Variants in DMD observed in about 807,000 individuals in gnomAD.
DMD encodes the protein dystrophin.
A neutral mutation model predicts 330.1 loss-of-function variants in DMD; 63 were observed. That is an observed-to-expected ratio of 0.19 (90% CI 0.16 to 0.24). DMD has a LOEUF of 0.24. DMD is among the 10% of genes least tolerant of loss of function. DMD has a pLI of 1.00. For synonymous variants in DMD, 1,223 were observed against 959.8 expected (o/e 1.27, Z -5.07); for missense variants, 3,344 against 2,684.1 (o/e 1.25, Z -5.43).
At chrX:31,800,772 T>C (rs2092025015) in intron 50 of DMD, among the ~76,000 whole-genome samples, 1 of 111,651 alleles carries the variant, frequency 9.0e-6, no homozygotes, top group Admixed American at 9.5e-5. Flanking sequence ...TTTCCACAGA[T>C]CTCTAGGCCA....
At chrX:33,270,111 T>C (rs758120836) in intron 1 of DMD, among the ~76,000 whole-genome samples, 51 of 110,892 alleles carry the variant, frequency 4.6e-4, no homozygotes, top group African/African-American at 1.5e-3. Context: ...CTTATGTTTT[T>C]ATCTTGATAC....
In DMD at chrX:31,750,940, C is replaced by G. The variant is rs747207309; in HGVS notation, c.7543-21192G>C. 4.4e-3 allele frequency among the ~76,000 whole-genome samples: 471 copies of G among 106,242 alleles called. 1 individual carries two copies. Among genetic ancestry groups the G allele is most frequent in the African/African-American group, 5.8e-3 (168 of 29,160 alleles). 92.3% of individuals were successfully genotyped at this position (106,242 alleles called of 115,157 possible). On this transcript the variant is annotated intron_variant, in intron 51 of 78. Transcript: ENST00000357033. ...AATACCTAGGAATCCAACTTACAAG[C>G]GATGTGAAGGACCTCTTCAAGGAGA...
At chrX:31,458,846 G>A (rs1407102361) in intron 59 of DMD, among the ~76,000 whole-genome samples, 2 of 110,234 alleles carry the variant, frequency 1.8e-5, no homozygotes, top group Non-Finnish European at 3.8e-5. Context: ...AGTTTTATAG[G>A]AGAAACGACT....
chrX:32,093,607 A>G (rs1230905898), intron 44 of DMD, among the ~76,000 whole-genome samples: 1 of 111,864 alleles, frequency 8.9e-6, no homozygotes, highest in Non-Finnish European at 1.9e-5. Flanking sequence ...CATAAAACAT[A>G]CTGAAATCTT....
intron 30 of DMD, among the ~76,000 whole-genome samples, chrX:32,407,517 T>G (rs2098122993): frequency 9.0e-6 from 1 of 111,115 alleles, no homozygotes; most frequent in African/African-American, 3.3e-5. Context: ...ACTTTTACAC[T>G]GTTGGTGGGA....
chrX:31,653,932 A>T (rs1424781122), intron 54 of DMD, among the ~76,000 whole-genome samples: 1 of 111,526 alleles, frequency 9.0e-6, no homozygotes, highest in Non-Finnish European at 1.9e-5. Flanking sequence ...TTAGTTGAGA[A>T]GCAGCCTTCT....
chrX:32,553,119 T>C (rs985860650), intron 16 of DMD, among the ~76,000 whole-genome samples: 1 of 112,128 alleles, frequency 8.9e-6, no homozygotes, highest in South Asian at 3.7e-4. Flanking sequence ...TGCACATGTA[T>C]GTTTTATTGA....
intron 2 of DMD, among the ~76,000 whole-genome samples, chrX:32,891,217 C>T (rs983581307): frequency 2.7e-5 from 3 of 111,504 alleles, no homozygotes; most frequent in Non-Finnish European, 5.6e-5. Flanking sequence ...CTGAGTTTTG[C>T]GAACATTTAT....
At chrX:31,691,502 C>T (rs769864578) in intron 52 of DMD, among the ~76,000 whole-genome samples, 19 of 111,258 alleles carry the variant, frequency 1.7e-4, no homozygotes, top group African/African-American at 5.5e-4. Context: ...AGTGGATTAA[C>T]GACAACAACA....
At chrX:32,363,379 T>G (rs1047633897) in intron 36 of DMD, among the ~76,000 whole-genome samples, 3 of 111,910 alleles carry the variant, frequency 2.7e-5, no homozygotes, top group African/African-American at 9.8e-5. Context: ...GTCAGGTAGC[T>G]GAAGAACACT....
At chrX:32,233,593 TTTTTC>T (rs1165233919) in intron 43 of DMD, among the ~76,000 whole-genome samples, 2 of 102,614 alleles carry the variant, frequency 1.9e-5, no homozygotes, top group East Asian at 3.1e-4. Context: ...GTACAATTTC[TTTTTC>T]TTTTATTTAT....
rs769240808 is a variant in DMD, at chrX:32,692,829, C to G, written c.960+5041G>C. On this transcript the variant is annotated intron_variant, in intron 9 of 78. Transcript: ENST00000357033. ...GATCAGACCACAAAATCTTATCTAACCCCTGATGTATCTAAAGTAGTAATC... is the reference window on the plus strand; with the variant it reads ...GATCAGACCACAAAATCTTATCTAAGCCCTGATGTATCTAAAGTAGTAATC... Among the ~76,000 whole-genome samples, 3 of 111,956 alleles carry G rather than the reference C, an allele frequency of 2.7e-5. No homozygotes were observed. The South Asian group carries it at 1.1e-3, about 42-fold the overall frequency.
At chrX:32,224,252 TTCA>T (rs1385087396) in intron 43 of DMD, among the ~76,000 whole-genome samples, 3 of 111,619 alleles carry the variant, frequency 2.7e-5, no homozygotes, top group African/African-American at 6.5e-5. Context: ...TGATTAGTGC[TTCA>T]TCATTTGTGT....
chrX:32,620,842 G>T (rs1338916513), intron 11 of DMD, among the ~76,000 whole-genome samples: 1 of 111,822 alleles, frequency 8.9e-6, no homozygotes, highest in Non-Finnish European at 1.9e-5. Context: ...CATTCCTGAG[G>T]GAGTAAGGAG....
At chrX:32,559,544 C>G (rs922539460) in intron 16 of DMD, among the ~76,000 whole-genome samples, 5 of 111,331 alleles carry the variant, frequency 4.5e-5, no homozygotes, top group African/African-American at 1.6e-4. Context: ...CCATTTGCAA[C>G]TATATCCCCC....
chrX:32,073,951 G>A (rs1378941892), intron 44 of DMD, among the ~76,000 whole-genome samples: 4 of 111,051 alleles, frequency 3.6e-5, no homozygotes, highest in East Asian at 5.6e-4. Flanking sequence ...ATAGTTGCTC[G>A]ATTATATTCC....
chrX:31,753,356 G>T (rs992525003), intron 51 of DMD, among the ~76,000 whole-genome samples: 2 of 111,884 alleles, frequency 1.8e-5, no homozygotes, highest in Non-Finnish European at 3.8e-5. Context: ...AAACAAAGCA[G>T]GCAGAAGGAA....
chrX:32,569,323 A>C (rs944220740), intron 15 of DMD, among the ~76,000 whole-genome samples: 1 of 112,156 alleles, frequency 8.9e-6, no homozygotes, highest in African/African-American at 3.2e-5. Context: ...ATATTGGCAA[A>C]ATTGAGTTTT....
intron 9 of DMD, among the ~76,000 whole-genome samples, chrX:32,670,119 A>G (rs1158470910): frequency 1.8e-5 from 2 of 111,812 alleles, no homozygotes; most frequent in African/African-American, 3.2e-5. Context: ...TTATGAAGCT[A>G]TAATTTATGG....
Sources: gnomAD v4.1 joint callset for allele counts (sites outside exome capture counted in the v4.1 genomes callset) on GRCh38, gnomAD v4.1.1 for gene constraint, MANE v1.5 for transcripts, NCBI Gene and HGNC (gene_info 2026-07-23, HGNC 2026-07-21) for gene names.